The following ALPK2 variants were observed in gnomAD, a reference collection of about 807,000 sequenced individuals.
ALPK2 encodes the protein alpha-protein kinase 2.
In ALPK2, 127 loss-of-function variants were observed where a neutral mutation model predicts 163.1. The observed-to-expected ratio is 0.78, with a 90% CI of 0.67 to 0.90. The LOEUF (loss-of-function observed/expected upper bound fraction) is 0.90, where lower values mean the gene tolerates loss of function less well. Among genes scored for constraint, ALPK2 ranks in the 40% least tolerant of loss-of-function variants. The pLI is 0.00. For synonymous variants in ALPK2, 953 were observed against 959.1 expected (o/e 0.99, Z 0.12); for missense variants, 2,360 against 2,589.6 (o/e 0.91, Z 1.92).
At chr18:58,492,364 A>G (rs2051380103) in intron 12 of ALPK2, among the ~76,000 whole-genome samples, 1 of 152,106 alleles carries the variant, frequency 6.6e-6, no homozygotes, top group Admixed American at 6.6e-5. Flanking sequence ...TTAGTCGACA[A>G]ACTTGTTTAG....
At chr18:58,505,052 C>G (rs575517201) in intron 10 of ALPK2, among the ~76,000 whole-genome samples, 1 of 152,104 alleles carries the variant, frequency 6.6e-6, no homozygotes, top group South Asian at 2.1e-4. Context: ...AAACTTTCCC[C>G]TTTGTACTGA....
At chr18:58,504,287 C>T in intron 10 of ALPK2, 139 bp from the exon 11 acceptor site, 2 of 668,080 alleles carry the variant, frequency 3.0e-6, no homozygotes, top group South Asian at 4.3e-5. Context: ...ACAAATCCAT[C>T]CAATGACTTT....
At chr18:58,624,234 G>C (rs78368127) in intron 1 of ALPK2, among the ~76,000 whole-genome samples, 2 of 152,098 alleles carry the variant, frequency 1.3e-5, no homozygotes, top group African/African-American at 2.4e-5. Flanking sequence ...TGTTCACTCC[G>C]TCATCCACAG....
chr18:58,627,784 C>T (rs1050203551), intron 1 of ALPK2, among the ~76,000 whole-genome samples: 4 of 152,134 alleles, frequency 2.6e-5, no homozygotes, highest in African/African-American at 9.7e-5. Flanking sequence ...GTTGTTGATT[C>T]GGAAGGTAAC....
chr18:58,551,341 C>T (rs1230711402), intron 4 of ALPK2, among the ~76,000 whole-genome samples: 1 of 152,148 alleles, frequency 6.6e-6, no homozygotes, highest in African/African-American at 2.4e-5. Context: ...CCTGGCCATC[C>T]TTGCCATTCC....
intron 3 of ALPK2, among the ~76,000 whole-genome samples, chr18:58,604,944 C>A (rs968375274): frequency 6.6e-6 from 1 of 152,212 alleles, no homozygotes; most frequent in Non-Finnish European, 1.5e-5. Flanking sequence ...TTCATTTATA[C>A]CCTCATCCTG....
At chr18:58,578,771 C>CACACACT in intron 4 of ALPK2, 43 bp downstream of exon 4, 1 of 1,562,126 alleles carries the variant, frequency 6.4e-7, no homozygotes, top group Non-Finnish European at 8.7e-7. Context: ...CACACACACA[C>CACACACT]GGTTCTTTTT....
At chr18:58,526,427 C>G (rs1323421363) in intron 6 of ALPK2, among the ~76,000 whole-genome samples, 2 of 152,212 alleles carry the variant, frequency 1.3e-5, no homozygotes, top group Non-Finnish European at 2.9e-5. Flanking sequence ...GAGATCCTCC[C>G]ATCCCAGCAG....
chr18:58,531,266 C>T (rs533645595), intron 5 of ALPK2, among the ~76,000 whole-genome samples: 1 of 152,176 alleles, frequency 6.6e-6, no homozygotes, highest in South Asian at 2.1e-4. Flanking sequence ...CAAGTCACTG[C>T]TCCCCTCATC....
chr18:58,602,461 T>TCTTGCCCCTTCCTAGC (rs1426416025), intron 3 of ALPK2, among the ~76,000 whole-genome samples: 3 of 152,368 alleles, frequency 2.0e-5, no homozygotes, highest in African/African-American at 7.2e-5. Flanking sequence ...AAGACTCTTC[T>TCTTGCCCCTTCCTAGC]CTTGCCCCTT....
chr18:58,573,434 G>A (rs1314468307), intron 4 of ALPK2, among the ~76,000 whole-genome samples: 1 of 145,916 alleles, frequency 6.9e-6, no homozygotes, highest in Non-Finnish European at 1.5e-5. Context: ...TCAGAGACAG[G>A]GTCTTGCTAT....
chr18:58,616,886 G>T (rs1475836920), intron 1 of ALPK2, among the ~76,000 whole-genome samples: 3 of 152,164 alleles, frequency 2.0e-5, no homozygotes, highest in Non-Finnish European at 2.9e-5. Flanking sequence ...GCCTTGACTT[G>T]CAGCTGGTGT....
chr18:58,582,576 A>C (rs2051964179), intron 3 of ALPK2, among the ~76,000 whole-genome samples: 1 of 152,048 alleles, frequency 6.6e-6, no homozygotes, highest in African/African-American at 2.4e-5. Flanking sequence ...AAAAAAAAAA[A>C]AAACTGTGAA....
chr18:58,523,281 A>G (rs1354496778), intron 8 of ALPK2, among the ~76,000 whole-genome samples: 3 of 151,770 alleles, frequency 2.0e-5, no homozygotes, highest in South Asian at 4.2e-4. Context: ...TCCATGGTGT[A>G]TATGTGCCAC....
chr18:58,573,010 C>T (rs901488596), intron 4 of ALPK2, among the ~76,000 whole-genome samples: 37 of 152,068 alleles, frequency 2.4e-4, no homozygotes, highest in African/African-American at 8.9e-4. Context: ...CTTACAACTG[C>T]ATGTGAATGT....
chr18:58,596,883 T>C (rs1375637853), intron 3 of ALPK2, among the ~76,000 whole-genome samples: 1 of 152,150 alleles, frequency 6.6e-6, no homozygotes, highest in African/African-American at 2.4e-5. Flanking sequence ...TGCAGTGGTA[T>C]GATCATGGCT....
chr18:58,625,089 A>G (rs181949723), intron 1 of ALPK2, among the ~76,000 whole-genome samples: 2 of 151,958 alleles, frequency 1.3e-5, no homozygotes, highest in East Asian at 3.9e-4. Context: ...TAGAAGGACC[A>G]CTTTCCATCT....
chr18:58,586,442 G>A (rs1200079459), intron 3 of ALPK2, among the ~76,000 whole-genome samples: 1 of 152,146 alleles, frequency 6.6e-6, no homozygotes, highest in Non-Finnish European at 1.5e-5. Flanking sequence ...GCCTTTATTC[G>A]AGAAAAATGG....
At chr18:58,562,394 C>A (rs2144177849) in intron 4 of ALPK2, among the ~76,000 whole-genome samples, 1 of 152,312 alleles carries the variant, frequency 6.6e-6, no homozygotes, top group Middle Eastern at 3.4e-3. Flanking sequence ...TAATTTGTGA[C>A]ATACTGCTTA....
Sources: allele counts gnomAD v4.1 joint callset (sites outside exome capture counted in the v4.1 genomes callset), GRCh38; gene constraint gnomAD v4.1.1; transcripts MANE v1.5; gene names NCBI Gene and HGNC (gene_info 2026-07-23, HGNC 2026-07-21).